The following HGD variants were observed in gnomAD, a reference collection of about 807,000 sequenced individuals.
HGD encodes the protein homogentisate 1,2-dioxygenase.
Under a neutral mutation model 60.8 loss-of-function variants are expected in HGD, and 61 were observed. The observed-to-expected ratio is 1.00, with a 90% confidence interval of 0.82 to 1.24. The LOEUF is 1.24. Among genes scored for constraint, HGD ranks in the 50% most tolerant of loss-of-function variants. HGD has a pLI of 0.00. For missense variants in HGD, 542 were observed against 547.1 expected (o/e 0.99, Z 0.09); for synonymous variants, 212 against 187.7 (o/e 1.13, Z -1.06).
At chr3:120,658,004 G>A (rs1941550064) in intron 4 of HGD, among the ~76,000 whole-genome samples, 1 of 152,052 alleles carries the variant, frequency 6.6e-6, no homozygotes. Flanking sequence ...CTCCTGCCAG[G>A]CCCCACCTCC....
At chr3:120,635,096 A>G (rs1302080324) in intron 12 of HGD, among the ~76,000 whole-genome samples, 3 of 152,214 alleles carry the variant, frequency 2.0e-5, no homozygotes, top group African/African-American at 7.2e-5. Flanking sequence ...ATATGAATTT[A>G]GATAGCAGTG....
chr3:120,657,827 G>GAGAGAGAGAA (rs1288364257), intron 4 of HGD, among the ~76,000 whole-genome samples: 1 of 149,324 alleles, frequency 6.7e-6, no homozygotes, highest in South Asian at 2.1e-4. Flanking sequence ...GTGAGAGAGA[G>GAGAGAGAGAA]AGAGAGAGAG....
At chr3:120,673,479 C>T (rs79072367) in intron 3 of HGD, among the ~76,000 whole-genome samples, 24,664 of 151,196 alleles carry the variant, frequency 0.16, 2,101 homozygotes, top group Middle Eastern at 0.24. Flanking sequence ...GAATTATCTG[C>T]GTGCTTATCT....
At chr3:120,639,010 T>C (rs1325098260) in intron 11 of HGD, among the ~76,000 whole-genome samples, 1 of 152,218 alleles carries the variant, frequency 6.6e-6, no homozygotes, top group African/African-American at 2.4e-5. Flanking sequence ...ATGTAAGACA[T>C]GCTTTTGCTC....
At chr3:120,646,133 T>C in intron 9 of HGD, 134 bp downstream of exon 9, 1 of 716,420 alleles carries the variant, frequency 1.4e-6, no homozygotes. Context: ...ACACTTGGTC[T>C]AGAGAAGAAT....
chr3:120,637,715 C>A (rs1320326189), intron 12 of HGD, among the ~76,000 whole-genome samples: 1 of 152,170 alleles, frequency 6.6e-6, no homozygotes, highest in Non-Finnish European at 1.5e-5. Context: ...AACAACCTCC[C>A]CAGTATTCCC....
At chr3:120,661,477 T>A (rs945798331) in intron 4 of HGD, among the ~76,000 whole-genome samples, 4 of 152,188 alleles carry the variant, frequency 2.6e-5, no homozygotes, top group African/African-American at 7.2e-5. Context: ...CCTCAGGTAA[T>A]CCATTACAGA....
At position 120,641,686 on chromosome 3, in the gene HGD, G is replaced by A; in HGVS notation, c.782C>T (p.Ser261Phe). ...GTGCCAGGCCACAACATTGAACGGG[G>A]AGACATCCTAAACACAAAAAGCAGG... ...GKLFAAKQDV[S>F]PFNVVAWHGN... The change falls in exon 11 of 14, where the codon TCC (serine) becomes TTC (phenylalanine). Residue 261 changes from serine (S) to phenylalanine (F), a missense_variant. Ser to Phe is a radical substitution (Grantham distance 155, BLOSUM62 -2). This residue lies in a region of HGD where 537 missense variants were observed against 529.1 expected (regional missense o/e 1.01). Transcript: ENST00000283871. 1 of 1,610,108 alleles carries A rather than the reference G, an allele frequency of 6.2e-7. No homozygotes were observed. Among genetic ancestry groups the A allele is most frequent in the South Asian group, 1.1e-5 (1 of 91,008 alleles).
chr3:120,676,919 G>A (rs895491122), intron 1 of HGD, among the ~76,000 whole-genome samples: 3 of 152,320 alleles, frequency 2.0e-5, no homozygotes, highest in East Asian at 1.9e-4. Flanking sequence ...GCAGAAGTTC[G>A]TGGATTGTGA....
chr3:120,644,275 T>A, intron 10 of HGD, 44 bp downstream of exon 10: 1 of 1,612,030 alleles, frequency 6.2e-7, no homozygotes, highest in East Asian at 2.2e-5. Flanking sequence ...AAGTGCTCAA[T>A]CACTCTTCAT....
intron 10 of HGD, 46 bp downstream of exon 10, chr3:120,644,273 A>G (rs549069148): frequency 5.0e-6 from 8 of 1,611,592 alleles, no homozygotes; most frequent in Admixed American, 3.3e-5. Flanking sequence ...GTAAGTGCTC[A>G]ATCACTCTTC....
Position 120,670,521 on chromosome 3 carries a change from C to CTATA in HGD, c.184_187dup (p.Arg63IlefsTer2). 1 of 1,590,272 alleles carries CTATA rather than the reference C, an allele frequency of 6.3e-7. No homozygotes were observed. The highest frequency in any genetic ancestry group is 8.6e-7 in the Non-Finnish European group (1 of 1,158,366). Reference sequence around the variant, plus strand: ...CTTGTGAGAAACTGAAGGTAGAATCCTATACAGCCAGCTAGAGGGAAAAAC... The same window carrying CTATA: ...CTTGTGAGAAACTGAAGGTAGAATCCTATATATACAGCCAGCTAGAGGGAAAAAC... On this transcript the variant is annotated stop_gained and frameshift_variant, in exon 4 of 14. Coordinates refer to ENST00000283871, the MANE Select transcript of HGD (RefSeq NM_000187.4). LOFTEE classifies it high-confidence loss of function.
chr3:120,629,576 A>G (rs1206800836), intron 13 of HGD, among the ~76,000 whole-genome samples: 2 of 152,206 alleles, frequency 1.3e-5, no homozygotes, highest in Non-Finnish European at 2.9e-5. Context: ...AAAATTCAGT[A>G]TATCTTCAAG....
intron 4 of HGD, 73 bp downstream of exon 4, chr3:120,670,354 T>C (rs1707997504): frequency 6.2e-6 from 5 of 805,912 alleles, no homozygotes; most frequent in African/African-American, 1.7e-5. Context: ...CCAATGACCA[T>C]GGTATTCTAT....
chr3:120,662,330 T>G (rs1707792335), intron 4 of HGD, among the ~76,000 whole-genome samples: 1 of 152,198 alleles, frequency 6.6e-6, no homozygotes, highest in Non-Finnish European at 1.5e-5. Context: ...GTCATTAAAA[T>G]AGTCTAGGTA....
chr3:120,654,191 A>C (rs3753090), intron 4 of HGD, among the ~76,000 whole-genome samples: 161 of 151,954 alleles, frequency 1.1e-3, no homozygotes, highest in African/African-American at 3.7e-3. Context: ...TCTTAGTTTC[A>C]GAAAGAAAAT....
rs141277379 is a variant in HGD, at chr3:120,639,466, G to A, written c.880-885C>T. ...ATGACTTTTTCCTCTTGCTGTGCTTGAGGCAAAATGAATTAACACCAGCTA... is the reference window on the plus strand; with the variant it reads ...ATGACTTTTTCCTCTTGCTGTGCTTAAGGCAAAATGAATTAACACCAGCTA... On this transcript the variant is annotated intron_variant, in intron 11 of 13. Coordinates refer to ENST00000283871, the MANE Select transcript of HGD (RefSeq NM_000187.4). Among the ~76,000 whole-genome samples the A allele has an allele frequency of 3.7e-4, 56 of 152,222 alleles. No individual in the cohort carries two copies. In the East Asian group the frequency reaches 0.011, roughly 29 times the overall value.
chr3:120,655,841 GT>G (rs1941479082), intron 4 of HGD, among the ~76,000 whole-genome samples: 1 of 152,116 alleles, frequency 6.6e-6, no homozygotes, highest in Non-Finnish European at 1.5e-5. Flanking sequence ...CCCAAATTTT[GT>G]TTTTTTCTTA....
Position 120,641,748 on chromosome 3 carries a change from T to A in HGD, c.775-55A>T, listed in dbSNP as rs1940989469. The A allele has an allele frequency of 8.0e-6, 9 of 1,129,478 alleles. No individual in the cohort carries two copies. In the South Asian group the frequency reaches 1.1e-4, roughly 14 times the overall value. 70.0% of individuals were successfully genotyped at this position (1,129,478 alleles called of 1,614,324 possible). Reference sequence around the variant, plus strand: ...TTACCATCTAATGCTTTTGTAGCTGTGATCCCACAATATGTACTGAGTATA... The same window carrying A: ...TTACCATCTAATGCTTTTGTAGCTGAGATCCCACAATATGTACTGAGTATA... On this transcript the variant is annotated intron_variant, in intron 10 of 13. Coordinates refer to ENST00000283871, the MANE Select transcript of HGD (RefSeq NM_000187.4).
Sources: gnomAD v4.1 joint callset for allele counts (sites outside exome capture counted in the v4.1 genomes callset) on GRCh38, gnomAD v4.1.1 for gene constraint, gnomAD v4.1.1 regional missense constraint, MANE v1.5 for transcripts, NCBI Gene and HGNC (gene_info 2026-07-23, HGNC 2026-07-21) for gene names.